The following TBC1D22A variants were observed in gnomAD, a reference collection of about 807,000 sequenced individuals.
TBC1D22A encodes TBC1 domain family member 22A, also known as putative GTPase activator.
Under a neutral mutation model 60.2 loss-of-function variants are expected in TBC1D22A, and 38 were observed. That is an observed-to-expected ratio of 0.63 (90% CI 0.49 to 0.83). The LOEUF (loss-of-function observed/expected upper bound fraction) is 0.83. Among genes scored for constraint, TBC1D22A ranks in the 40% least tolerant of loss-of-function variants. The pLI is 0.00. For synonymous variants in TBC1D22A, 302 were observed against 281.7 expected, an observed-to-expected ratio of 1.07 and a Z score of -0.72; for missense variants, 628 against 701.0, an observed-to-expected ratio of 0.90 and a Z score of 1.18.
At chr22:47,005,956 A>G (rs900231569) in intron 10 of TBC1D22A, among the ~76,000 whole-genome samples, 3 of 151,630 alleles carry the variant, frequency 2.0e-5, no homozygotes, top group Non-Finnish European at 4.4e-5. Flanking sequence ...ACACACCCCT[A>G]CACATGCCTA....
chr22:46,885,819 A>T (rs2068083653), intron 5 of TBC1D22A, among the ~76,000 whole-genome samples: 1 of 152,138 alleles, frequency 6.6e-6, no homozygotes, highest in Non-Finnish European at 1.5e-5. Flanking sequence ...CAGGTGGGTC[A>T]TTAAATAATC....
chr22:47,074,299 T>C lies in TBC1D22A; in HGVS notation c.1329+37101T>C, dbSNP rs905066989. ...GAGCTGCTAGCTGAGATCGCCCACATTGGCCTCTGCAGACTCCCTTGTTTT... is the reference window on the plus strand; with the variant it reads ...GAGCTGCTAGCTGAGATCGCCCACACTGGCCTCTGCAGACTCCCTTGTTTT... On this transcript the variant is annotated intron_variant, in intron 11 of 12. Coordinates refer to ENST00000337137, the MANE Select transcript of TBC1D22A (RefSeq NM_014346.5). 6.6e-5 allele frequency among the ~76,000 whole-genome samples: 10 copies of C among 152,336 alleles called. No homozygotes were observed. In the South Asian group the frequency reaches 1.2e-3, roughly 19 times the overall value.
At chr22:47,101,330 G>T (rs2065407399) in intron 11 of TBC1D22A, among the ~76,000 whole-genome samples, 1 of 152,204 alleles carries the variant, frequency 6.6e-6, no homozygotes, top group South Asian at 2.1e-4. Flanking sequence ...AACCAGAGAA[G>T]AAGCAGGGAC....
At chr22:46,788,136 C>T (rs2084244787) in intron 1 of TBC1D22A, among the ~76,000 whole-genome samples, 1 of 151,992 alleles carries the variant, frequency 6.6e-6, no homozygotes, top group Admixed American at 6.6e-5. Context: ...CGGGGTTTCA[C>T]TGTGTTAGCC....
chr22:46,856,134 G>A (rs1470781243), intron 4 of TBC1D22A, among the ~76,000 whole-genome samples: 1 of 152,206 alleles, frequency 6.6e-6, no homozygotes, highest in Non-Finnish European at 1.5e-5. Flanking sequence ...GGAATGATGA[G>A]CCTGGGGTAC....
chr22:47,157,098 G>A (rs911548459), intron 12 of TBC1D22A, among the ~76,000 whole-genome samples: 3 of 152,226 alleles, frequency 2.0e-5, no homozygotes, highest in Non-Finnish European at 4.4e-5. Context: ...GTGGCCATCT[G>A]GGGGTGCAAG....
rs1338936028 is a variant in TBC1D22A at position 46,878,637 on chromosome 22, C to CT, written c.638-10dup. 1.9e-6 allele frequency: 3 copies of CT among 1,612,726 alleles called. No individual in the cohort carries two copies. Among genetic ancestry groups the CT allele is most frequent in the Admixed American group, 1.7e-5 (1 of 59,960 alleles). The stretch of plus-strand genomic sequence containing the variant: ...TTGCAAATCTTGTTTTTCCTTGTCT[C>CT]TTTTTTCATCAACAGAGGAATTACG... On this transcript the variant is annotated splice_polypyrimidine_tract_variant and intron_variant, in intron 4 of 12. Transcript: ENST00000337137.
intron 8 of TBC1D22A, among the ~76,000 whole-genome samples, chr22:46,924,500 T>C (rs1569227921): frequency 6.6e-6 from 1 of 152,228 alleles, no homozygotes; most frequent in Non-Finnish European, 1.5e-5. Context: ...CTCACGCTTA[T>C]AATCCCAGCA....
intron 1 of TBC1D22A, among the ~76,000 whole-genome samples, chr22:46,792,305 G>C (rs547897593): frequency 2.0e-5 from 3 of 152,216 alleles, no homozygotes; most frequent in South Asian, 2.1e-4. Context: ...CTGCTTGTGT[G>C]GGGTGTGGGG....
At chr22:47,050,266 G>C (rs1603173018) in intron 11 of TBC1D22A, among the ~76,000 whole-genome samples, 1 of 152,108 alleles carries the variant, frequency 6.6e-6, no homozygotes, top group East Asian at 1.9e-4. Flanking sequence ...CGGCCCCCCA[G>C]GGTGCTGGGA....
chr22:47,033,924 A>G (rs2062570598), intron 10 of TBC1D22A, among the ~76,000 whole-genome samples: 1 of 152,084 alleles, frequency 6.6e-6, no homozygotes. Context: ...GTGTCTCTTC[A>G]TCTGTGGGGA....
chr22:46,916,736 G>A (rs574352687), intron 8 of TBC1D22A, among the ~76,000 whole-genome samples: 6 of 152,348 alleles, frequency 3.9e-5, no homozygotes, highest in Non-Finnish European at 7.3e-5. Context: ...GCGATCTTGC[G>A]TGACCTCAGA....
At chr22:46,838,430 C>T (rs866914465) in intron 4 of TBC1D22A, among the ~76,000 whole-genome samples, 2 of 152,136 alleles carry the variant, frequency 1.3e-5, no homozygotes, top group African/African-American at 2.4e-5. Context: ...TACATCCCAA[C>T]GAGGAAAAGC....
At chr22:47,111,229 G>A (rs1244639627) in intron 11 of TBC1D22A, among the ~76,000 whole-genome samples, 1 of 152,240 alleles carries the variant, frequency 6.6e-6, no homozygotes. Context: ...TATTGTCTGC[G>A]CAAGAGAGAA....
At chr22:46,909,075 C>G (rs192944053) in intron 7 of TBC1D22A, among the ~76,000 whole-genome samples, 2 of 152,256 alleles carry the variant, frequency 1.3e-5, no homozygotes, top group East Asian at 3.9e-4. Flanking sequence ...TCGGCATCCT[C>G]CCTGGGTGAA....
intron 11 of TBC1D22A, among the ~76,000 whole-genome samples, chr22:47,071,841 T>C (rs762226019): frequency 3.2e-4 from 48 of 152,262 alleles, no homozygotes; most frequent in Non-Finnish European, 3.2e-4. Flanking sequence ...ATTCTCGGAG[T>C]GGAGAGACAG....
At chr22:47,138,053 C>T (rs1232965482) in intron 12 of TBC1D22A, among the ~76,000 whole-genome samples, 1 of 152,158 alleles carries the variant, frequency 6.6e-6, no homozygotes, top group African/African-American at 2.4e-5. Flanking sequence ...GTGCCACTGT[C>T]ACCTAATAGG....
At chr22:46,951,969 A>C (rs569442319) in intron 8 of TBC1D22A, among the ~76,000 whole-genome samples, 1 of 152,222 alleles carries the variant, frequency 6.6e-6, no homozygotes, top group East Asian at 1.9e-4. Context: ...CAATGATCAC[A>C]TTAAGAGCAG....
At chr22:46,783,472 A>G (rs1273695180) in intron 1 of TBC1D22A, among the ~76,000 whole-genome samples, 2 of 152,242 alleles carry the variant, frequency 1.3e-5, no homozygotes, top group East Asian at 1.9e-4. Context: ...TCCATCCAGC[A>G]TGGGAAAGAG....
Sources: allele counts gnomAD v4.1 joint callset (sites outside exome capture counted in the v4.1 genomes callset), GRCh38; gene constraint gnomAD v4.1.1; transcripts MANE v1.5; gene names NCBI Gene and HGNC (gene_info 2026-07-23, HGNC 2026-07-21).